Variants in GPR78 observed in about 807,000 individuals in gnomAD.
The protein encoded by GPR78 is G protein-coupled receptor 78.
Under a neutral mutation model 17.9 loss-of-function variants are expected in GPR78, and 29 were observed. That is an observed-to-expected ratio of 1.62 (90% CI 1.20 to 2.21). The LOEUF (loss-of-function observed/expected upper bound fraction) is 2.21. GPR78 is among the 30% of genes most tolerant of loss of function. The pLI is 0.00. For missense variants in GPR78, 649 were observed against 530.5 expected (o/e 1.22, Z -2.19); for synonymous variants, 349 against 256.9 (o/e 1.36, Z -3.43).
chr4:8,582,859 GGA>G (rs1187352080), intron 2 of GPR78: 6 of 538,698 alleles, frequency 1.1e-5, no homozygotes, highest in African/African-American at 5.7e-5. Flanking sequence ...CTATAAATGA[GGA>G]GACTCTCCTT....
rs1049741166 is a variant in GPR78, at chr4:8,587,454, G to C, written c.*91G>C. 1.2e-5 allele frequency: 16 copies of C among 1,285,608 alleles called. No individual in the cohort carries two copies. The highest frequency in any genetic ancestry group is 1.7e-5 in the Non-Finnish European group (16 of 923,050). 79.6% of individuals were successfully genotyped at this position (1,285,608 alleles called of 1,614,324 possible). A position where few individuals can be genotyped will look rare whatever the true frequency, so the allele number is the denominator to read the frequency against. On this transcript the variant is annotated 3_prime_UTR_variant, in exon 3 of 3. Transcript: ENST00000382487. ...ACAGAGATGCCACTGGGGACCCCCA[G>C]ACACCAGTGGCTTGACTTTGAGCTA...
rs28755959 is a variant in GPR78, at chr4:8,581,886, T to G, written c.668+236T>G. On this transcript the variant is annotated intron_variant, in intron 1 of 2. Coordinates refer to ENST00000382487, the MANE Select transcript of GPR78 (RefSeq NM_080819.5). ...GTGCACAGGGAGCTTTGCGCAGAGC[T>G]GTGGGGTGTGCTTCTCCGGGAGGGG... 0.44 allele frequency among the ~76,000 whole-genome samples: 66,772 copies of G among 152,086 alleles called. 15,148 individuals carry two copies. Among genetic ancestry groups the G allele is most frequent in the Admixed American group, 0.54 (8,290 of 15,300 alleles).
rs1218016081 is a variant in GPR78, at chr4:8,587,037, C to T, written c.783-17C>T. 3.1e-6 allele frequency: 5 copies of T among 1,606,142 alleles called. No individual in the cohort carries two copies. The highest frequency in any genetic ancestry group is 1.7e-5 in the Admixed American group (1 of 59,852). ...GCTGTCACTGTGGCTGAGTTAGCTG[C>T]TCCGCTTCCCCAACAGGCTGGCGGA... On this transcript the variant is annotated splice_polypyrimidine_tract_variant and intron_variant, in intron 2 of 2. Transcript: ENST00000382487.
At chr4:8,584,258 C>A (rs544955296) in intron 2 of GPR78, among the ~76,000 whole-genome samples, 38 of 152,264 alleles carry the variant, frequency 2.5e-4, no homozygotes, top group African/African-American at 7.9e-4. Flanking sequence ...CTGTTATTTT[C>A]CTGTGTGTTT....
chr4:8,581,650 G>A lies in GPR78; in HGVS notation c.668G>A (p.Ser223Asn). Residue 223 changes from serine to asparagine, a missense_variant and splice_region_variant, in exon 1 of 3, where the codon AGT becomes AAT. Physicochemically the swap from Ser to Asn is conservative, Grantham distance 46 (BLOSUM62 1). Coordinates refer to ENST00000382487, the MANE Select transcript of GPR78 (RefSeq NM_080819.5). ...GCGCTGCTCGCCGACCTGCACCCCA[G>A]GTATTGGCCCAGTGCATGCCGACAG... ...ALALLADLHP[S>N]VRQRCLIQQK... 1 of 1,472,452 alleles carries A rather than the reference G, an allele frequency of 6.8e-7. No homozygotes were observed. The highest frequency in any genetic ancestry group is 9.0e-7 in the Non-Finnish European group (1 of 1,115,416). 91.2% of individuals were successfully genotyped at this position (1,472,452 alleles called of 1,614,324 possible).
chr4:8,586,388 G>A (rs900759197), intron 2 of GPR78, among the ~76,000 whole-genome samples: 5 of 152,154 alleles, frequency 3.3e-5, no homozygotes, highest in Admixed American at 6.5e-5. Flanking sequence ...AGACACCCTC[G>A]AGCTTCTCTG....
chr4:8,581,029 T>C lies in GPR78; in HGVS notation c.47T>C (p.Leu16Pro), dbSNP rs532567416. Reference protein sequence around the residue: ...ALLAGLLVMVLAVALLSNALV... With the variant: ...ALLAGLLVMVPAVALLSNALV... ...CTGGCGGGTCTCCTGGTGATGGTACTGGCCGTGGCGCTGCTATCCAACGCA... is the reference window on the plus strand; with the variant it reads ...CTGGCGGGTCTCCTGGTGATGGTACCGGCCGTGGCGCTGCTATCCAACGCA... The change falls in exon 1 of 3, where the codon CTG (leucine) becomes CCG (proline). Residue 16 changes from leucine (L) to proline (P), a missense_variant. By Grantham distance (98) the Leu-to-Pro change is moderately conservative (BLOSUM62 -3). Transcript: ENST00000382487. 20 of 1,600,990 alleles carry C rather than the reference T, an allele frequency of 1.2e-5. No homozygotes were observed. Among genetic ancestry groups the C allele is most frequent in the Non-Finnish European group, 1.6e-5 (19 of 1,175,754 alleles).
In GPR78 at chr4:8,581,413, G is replaced by A. The variant is rs776292842; in HGVS notation, c.431G>A (p.Cys144Tyr). Residue 144 changes from cysteine to tyrosine, a missense_variant, in exon 1 of 3, where the codon TGC becomes TAC. Coordinates refer to ENST00000382487, the MANE Select transcript of GPR78 (RefSeq NM_080819.5). ...GCCTTCTCAGGCGCTGCACTTGGCT[G>A]CTCGTGGCTTGGCTACAGCAGCGCC... Reference protein sequence around the residue: ...SLAFSGAALGCSWLGYSSAFA... With the variant: ...SLAFSGAALGYSWLGYSSAFA... The A allele has an allele frequency of 5.0e-6, 8 of 1,588,922 alleles. No individual in the cohort carries two copies. The highest frequency in any genetic ancestry group is 6.8e-6 in the Non-Finnish European group (8 of 1,174,226).
Position 8,580,847 on chromosome 4 carries a change from G to A in GPR78, c.-136G>A, listed in dbSNP as rs941818673. On this transcript the variant is annotated 5_prime_UTR_variant, in exon 1 of 3. Coordinates refer to ENST00000382487, the MANE Select transcript of GPR78 (RefSeq NM_080819.5). ...GCCGCCGCTTTCCTCGCGCTGCTCT[G>A]GACCTTGCTAGCCGGCTCTGCACCT... 1 of 854,380 alleles carries A rather than the reference G, an allele frequency of 1.2e-6. No homozygotes were observed. Among genetic ancestry groups the A allele is most frequent in the African/African-American group, 1.7e-5 (1 of 58,290 alleles). 52.9% of individuals were successfully genotyped at this position (854,380 alleles called of 1,614,324 possible). A position where few individuals can be genotyped will look rare whatever the true frequency, so the allele number is the denominator to read the frequency against.
Position 8,581,581 on chromosome 4 carries a change from G to A in GPR78, c.599G>A (p.Arg200His), listed in dbSNP as rs761022639. 16 of 1,567,940 alleles carry A rather than the reference G, an allele frequency of 1.0e-5. No individual in the cohort carries two copies. The highest frequency in any genetic ancestry group is 2.7e-5 in the African/African-American group (2 of 73,930). The change falls in exon 1 of 3, where the codon CGC becomes CAC. Residue 200 changes from arginine to histidine, a missense_variant. Transcript: ENST00000382487. ...TCGCTCCAGGTGCACCGGGTGGCACGCAGACACTGCCAGCGCATGGACACC... is the reference window on the plus strand; with the variant it reads ...TCGCTCCAGGTGCACCGGGTGGCACACAGACACTGCCAGCGCATGGACACC... ...LTSLQVHRVA[R>H]RHCQRMDTVT...
chr4:8,580,760 C>CCCGGGCTGCT lies in GPR78; in HGVS notation c.-220_-211dup, dbSNP rs931707985. On this transcript the variant is annotated 5_prime_UTR_variant, in exon 1 of 3. Transcript: ENST00000382487. ...GCGGTTGCGCTGCCTCCAGGGCGGC[C>CCCGGGCTGCT]CCGGGCTGCTCCTGCTCCGCAGAGC... 6 of 571,614 alleles carry CCCGGGCTGCT rather than the reference C, an allele frequency of 1.0e-5. No individual in the cohort carries two copies. Among genetic ancestry groups the CCCGGGCTGCT allele is most frequent in the Non-Finnish European group, 1.5e-5 (5 of 329,554 alleles). The allele number at this position is 571,614 out of a possible 1,614,324, so 35.4% of individuals were successfully genotyped here. A position where few individuals can be genotyped will look rare whatever the true frequency, so the allele number is the denominator to read the frequency against.
At chr4:8,582,448 C>T (rs1713332582) in intron 1 of GPR78, 83 bp from the exon 2 acceptor site, 2 of 866,880 alleles carry the variant, frequency 2.3e-6, no homozygotes, top group Admixed American at 1.8e-5. Flanking sequence ...CTCCTGTCTG[C>T]CCTCACTTCA....
Position 8,581,238 on chromosome 4 carries a change from GAC to G in GPR78, c.259_260del (p.Thr87LeufsTer78). The part of the protein sequence containing the change: ...PGACQVIGFL[D>X]TFLASNAALS... ...CGCATGCCAAGTCATTGGCTTCCTGGACACCTTCCTGGCGTCCAACGCGGCGC... is the reference window on the plus strand; with the variant it reads ...CGCATGCCAAGTCATTGGCTTCCTGGACCTTCCTGGCGTCCAACGCGGCGC... On this transcript the variant is annotated frameshift_variant, in exon 1 of 3. Coordinates refer to ENST00000382487, the MANE Select transcript of GPR78 (RefSeq NM_080819.5). LOFTEE classifies it high-confidence loss of function. 1 of 1,595,808 alleles carries G rather than the reference GAC, an allele frequency of 6.3e-7. No individual in the cohort carries two copies.
chr4:8,583,526 A>T (rs1168867883), intron 2 of GPR78, among the ~76,000 whole-genome samples: 1 of 152,148 alleles, frequency 6.6e-6, no homozygotes, highest in Non-Finnish European at 1.5e-5. Flanking sequence ...CAAGGGGCCC[A>T]GGTCCCCACC....
chr4:8,588,529 C>A lies in GPR78; in HGVS notation c.*1166C>A, dbSNP rs2109303245. ...ATGAGTGAGCGAGTGAATGAATGGACACGATTCTCTCTTCAGCCTCTGTCA... is the reference window on the plus strand; with the variant it reads ...ATGAGTGAGCGAGTGAATGAATGGAAACGATTCTCTCTTCAGCCTCTGTCA... On this transcript the variant is annotated 3_prime_UTR_variant, in exon 3 of 3. Transcript: ENST00000382487. 6.6e-6 allele frequency among the ~76,000 whole-genome samples: 1 copy of A among 152,358 alleles called. No homozygotes were observed. Among genetic ancestry groups the A allele is most frequent in the African/African-American group, 2.4e-5 (1 of 41,578 alleles).
Position 8,587,632 on chromosome 4 carries a change from T to C in GPR78, c.*269T>C. The C allele has an allele frequency of 1.8e-6, 1 of 550,138 alleles. No individual in the cohort carries two copies. The highest frequency in any genetic ancestry group is 3.1e-5 in the East Asian group (1 of 32,584). The allele number at this position is 550,138 out of a possible 1,614,324, so 34.1% of individuals were successfully genotyped here. On this transcript the variant is annotated 3_prime_UTR_variant, in exon 3 of 3. Coordinates refer to ENST00000382487, the MANE Select transcript of GPR78 (RefSeq NM_080819.5). ...CTGAACCTTAGCTTCCTCACCCTTG[T>C]TCTGGGGTCATGGCGATGCTTCGAG...
rs372665126 is a variant in GPR78 at position 8,589,616 on chromosome 4, GC to G, written c.*2255del. ...GGAGCTCCCCAGGTGCGAGGAGCCTGCCAGCCAGTGGGGCCTACACTCTGTG... is the reference window on the plus strand; with the variant it reads ...GGAGCTCCCCAGGTGCGAGGAGCCTGCAGCCAGTGGGGCCTACACTCTGTG... On this transcript the variant is annotated 3_prime_UTR_variant, in exon 3 of 3. Transcript: ENST00000382487. Among the ~76,000 whole-genome samples the G allele has an allele frequency of 9.2e-5, 14 of 152,360 alleles. No individual in the cohort carries two copies. The highest frequency in any genetic ancestry group is 3.4e-4 in the African/African-American group (14 of 41,588).
rs1339375466 is a variant in GPR78, at chr4:8,587,544, G to A, written c.*181G>A. On this transcript the variant is annotated 3_prime_UTR_variant, in exon 3 of 3. Coordinates refer to ENST00000382487, the MANE Select transcript of GPR78 (RefSeq NM_080819.5). ...GTGGGTGTGGACAGCAGTAGTGGCGGAGGAGAGCTCGGGGCTGGGCTGCCT... is the reference window on the plus strand; with the variant it reads ...GTGGGTGTGGACAGCAGTAGTGGCGAAGGAGAGCTCGGGGCTGGGCTGCCT... 11 of 671,942 alleles carry A rather than the reference G, an allele frequency of 1.6e-5. No individual in the cohort carries two copies. The East Asian group carries it at 2.7e-4, about 17-fold the overall frequency. 41.6% of individuals were successfully genotyped at this position (671,942 alleles called of 1,614,324 possible).
rs893148292 is a variant in GPR78 at position 8,580,573 on chromosome 4, C to T, written c.-410C>T. The T allele has an allele frequency of 5.0e-6, 1 of 198,048 alleles. No homozygotes were observed. The highest frequency in any genetic ancestry group is 1.0e-5 in the Non-Finnish European group (1 of 99,886). The allele number at this position is 198,048 out of a possible 1,614,324, so 12.3% of individuals were successfully genotyped here. A position where few individuals can be genotyped will look rare whatever the true frequency, so the allele number is the denominator to read the frequency against. ...ACTGACCTGGCCCGGAACAGAAGCG[C>T]GCAGAGTCCCATCCTGCCACGCCAC... On this transcript the variant is annotated 5_prime_UTR_variant, in exon 1 of 3. Transcript: ENST00000382487.
Sources: allele counts gnomAD v4.1 joint callset (sites outside exome capture counted in the v4.1 genomes callset), GRCh38; gene constraint gnomAD v4.1.1; transcripts MANE v1.5; gene names NCBI Gene and HGNC (gene_info 2026-07-23, HGNC 2026-07-21).